Variants in CRISP2 observed in about 807,000 individuals in gnomAD.
CRISP2 encodes cysteine-rich secretory protein 2.
In CRISP2, 29 loss-of-function variants were observed where a neutral mutation model predicts 31.7. The ratio of observed to expected loss-of-function variants is 0.92; its 90% CI spans 0.68 to 1.25. The LOEUF (loss-of-function observed/expected upper bound fraction) is 1.25, where lower values mean the gene tolerates loss of function less well. Ranked by LOEUF, CRISP2 falls within the 50% of genes most tolerant of loss-of-function variation. CRISP2 has a pLI of 0.00. For missense variants in CRISP2, 318 were observed against 286.5 expected, an observed-to-expected ratio of 1.11 and a Z score of -0.79; for synonymous variants, 111 against 101.4, an observed-to-expected ratio of 1.09 and a Z score of -0.57.
the CRISP2 span, among the ~76,000 whole-genome samples, chr6:49,677,328 T>C: frequency 6.6e-6 from 1 of 152,180 alleles, no homozygotes; most frequent in Admixed American, 6.6e-5. Context: ...ACTTACCATA[T>C]TGAAATAAAA....
In CRISP2 at chr6:49,699,793, A is replaced by G. The variant is rs772674744; in HGVS notation, c.271+11T>C. 20 of 1,565,662 alleles carry G rather than the reference A, an allele frequency of 1.3e-5. No homozygotes were observed. The Admixed American group carries it at 3.4e-4, about 26-fold the overall frequency. On this transcript the variant is annotated intron_variant, in intron 6 of 9. Transcript: ENST00000339139. The stretch of plus-strand genomic sequence containing the variant: ...TTTATTTATTCAACAAATATTTACT[A>G]ATTTACATACTGGTTTTGCGGTCCT...
rs1218617903 is a variant in CRISP2 at position 49,712,301 on chromosome 6, G to T, written c.-47+200C>A. ...GCCATGATGCCATACTCTCCTCTTT[G>T]CTGCTCTTCTCTCTCATAACCTCAA... On this transcript the variant is annotated intron_variant, in intron 2 of 9. Coordinates refer to ENST00000339139, the MANE Select transcript of CRISP2 (RefSeq NM_003296.4). Among the ~76,000 whole-genome samples, 4 of 152,108 alleles carry T rather than the reference G, an allele frequency of 2.6e-5. No homozygotes were observed. In the South Asian group the frequency reaches 8.3e-4, roughly 32 times the overall value.
chr6:49,698,028 A>G, intron 7 of CRISP2, 71 bp from the exon 8 acceptor site: 1 of 1,252,234 alleles, frequency 8.0e-7, no homozygotes, highest in Non-Finnish European at 1.1e-6. Context: ...AAAAAGTAGC[A>G]AATATAAAAC....
At chr6:49,709,342 A>C (rs1167178755) in intron 3 of CRISP2, 137 bp from the exon 4 acceptor site, 2 of 733,932 alleles carry the variant, frequency 2.7e-6, no homozygotes, top group Non-Finnish European at 4.4e-6. Context: ...GAACAAAAGA[A>C]GAATTGCCCT....
the CRISP2 span, among the ~76,000 whole-genome samples, chr6:49,677,343 C>T: frequency 1.6e-3 from 240 of 152,266 alleles, no homozygotes; most frequent in African/African-American, 5.4e-3. Flanking sequence ...ATAAAAAACA[C>T]TGTATTAACG....
intron 4 of CRISP2, among the ~76,000 whole-genome samples, chr6:49,704,696 T>A (rs1201076590): frequency 6.6e-6 from 1 of 152,150 alleles, no homozygotes; most frequent in Non-Finnish European, 1.5e-5. Context: ...TGTGATGTGA[T>A]CCATCTTCAG....
chr6:49,685,093 C>G, the CRISP2 span, among the ~76,000 whole-genome samples: 1 of 152,182 alleles, frequency 6.6e-6, no homozygotes, highest in African/African-American at 2.4e-5. Context: ...CCGGATGCCT[C>G]CCATGGCTGC....
chr6:49,701,847 T>A (rs1165468616), intron 4 of CRISP2, among the ~76,000 whole-genome samples: 1 of 87,400 alleles, frequency 1.1e-5, no homozygotes, highest in East Asian at 2.7e-4. Flanking sequence ...ATAATATATA[T>A]TATATAATAT....
intron 9 of CRISP2, 129 bp downstream of exon 9, chr6:49,695,706 GA>G (rs1298284943): frequency 4.6e-6 from 3 of 657,666 alleles, no homozygotes; most frequent in Non-Finnish European, 7.8e-6. Context: ...ATACTTTGTT[GA>G]ATAATTTTGG....
chr6:49,677,352 C>T, the CRISP2 span, among the ~76,000 whole-genome samples: 51 of 152,166 alleles, frequency 3.4e-4, no homozygotes, highest in African/African-American at 1.2e-3. Flanking sequence ...ACTGTATTAA[C>T]GAGAGAGTGA....
chr6:49,701,500 G>GTGTA (rs1439390033), intron 4 of CRISP2, among the ~76,000 whole-genome samples: 10 of 46,554 alleles, frequency 2.1e-4, no homozygotes, highest in African/African-American at 8.2e-4. Flanking sequence ...GTGTGTGTGT[G>GTGTA]TATATATATA....
intron 4 of CRISP2, among the ~76,000 whole-genome samples, chr6:49,707,958 T>G (rs1192977578): frequency 6.6e-6 from 1 of 152,176 alleles, no homozygotes; most frequent in Non-Finnish European, 1.5e-5. Context: ...ACATACTAAC[T>G]CTATTATCAC....
At chr6:49,681,938 GT>G in the CRISP2 span, among the ~76,000 whole-genome samples, 1 of 152,002 alleles carries the variant, frequency 6.6e-6, no homozygotes, top group Non-Finnish European at 1.5e-5. Flanking sequence ...ACCTTGAAAT[GT>G]TTTTTAATAT....
At chr6:49,702,494 CCTTT>C (rs1282849323) in intron 4 of CRISP2, among the ~76,000 whole-genome samples, 1 of 151,640 alleles carries the variant, frequency 6.6e-6, no homozygotes, top group African/African-American at 2.4e-5. Flanking sequence ...TAAATTATGG[CCTTT>C]CTTTCAGGAA....
intron 1 of CRISP2, among the ~76,000 whole-genome samples, chr6:49,712,813 C>T (rs1475561706): frequency 6.6e-6 from 1 of 152,140 alleles, no homozygotes; most frequent in African/African-American, 2.4e-5. Flanking sequence ...TTCCTTCAAA[C>T]ACTAACAAAA....
downstream of CRISP2, among the ~76,000 whole-genome samples, chr6:49,691,201 G>A (rs1369594899): frequency 6.6e-6 from 1 of 152,000 alleles, no homozygotes; most frequent in East Asian, 1.9e-4. Context: ...CCACTCAAGT[G>A]GAATATTCTG....
the CRISP2 span, among the ~76,000 whole-genome samples, chr6:49,679,997 C>T: frequency 6.6e-6 from 1 of 152,100 alleles, no homozygotes; most frequent in Non-Finnish European, 1.5e-5. Context: ...TGAGCCACTG[C>T]ACCCAGCCGA....
the CRISP2 span, among the ~76,000 whole-genome samples, chr6:49,686,614 A>C: frequency 1.3e-5 from 2 of 152,192 alleles, no homozygotes; most frequent in African/African-American, 2.4e-5. Context: ...GGGACTGTAA[A>C]CTAGTTCGAC....
rs1768216645 is a variant in CRISP2 at position 49,712,538 on chromosome 6, T to C, written c.-84A>G. 6.6e-6 allele frequency: 1 copy of C among 152,174 alleles called. No individual in the cohort carries two copies. Among genetic ancestry groups the C allele is most frequent in the South Asian group, 2.1e-4 (1 of 4,830 alleles). 9.4% of individuals were successfully genotyped at this position (152,174 alleles called of 1,614,324 possible). On this transcript the variant is annotated 5_prime_UTR_variant, in exon 2 of 10. Coordinates refer to ENST00000339139, the MANE Select transcript of CRISP2 (RefSeq NM_003296.4). ...ACTGTGCTCTTTCTTGCAGGTGTTT[T>C]AAGATCAGGATGACATGGTTTTCCT... is the stretch of plus-strand genomic sequence containing the variant.
Sources: allele counts gnomAD v4.1 joint callset (sites outside exome capture counted in the v4.1 genomes callset), GRCh38; gene constraint gnomAD v4.1.1; transcripts MANE v1.5; gene names NCBI Gene and HGNC (gene_info 2026-07-23, HGNC 2026-07-21).